Variants in PTPRT observed in about 807,000 individuals in gnomAD.
PTPRT encodes the protein protein tyrosine phosphatase receptor type T.
Under a neutral mutation model 176.8 loss-of-function variants are expected in PTPRT, and 56 were observed. The observed-to-expected ratio is 0.32, with a 90% CI of 0.26 to 0.40. The LOEUF (loss-of-function observed/expected upper bound fraction) is 0.40, where lower values mean the gene tolerates loss of function less well. PTPRT is among the 10% of genes least tolerant of loss of function. The pLI is 1.00. For missense variants in PTPRT, 1,540 were observed against 1,908.2 expected (o/e 0.81, Z 3.60); for synonymous variants, 783 against 739.0 (o/e 1.06, Z -0.96).
In PTPRT at chr20:42,079,456, G is replaced by C. The variant is rs1983101487; in HGVS notation, c.*1423C>G. 4.5e-6 allele frequency: 1 copy of C among 220,868 alleles called. No individual in the cohort carries two copies. Among genetic ancestry groups the C allele is most frequent in the Non-Finnish European group, 9.1e-6 (1 of 110,330 alleles). 13.7% of individuals were successfully genotyped at this position (220,868 alleles called of 1,614,324 possible). On this transcript the variant is annotated 3_prime_UTR_variant, in exon 31 of 31. Transcript: ENST00000373187. Reference sequence around the variant, plus strand: ...AAGGTGCGTGGGTTTCCTCATTGGAGGAGATGATCAAATGGAGATGATAAC... The same window carrying C: ...AAGGTGCGTGGGTTTCCTCATTGGACGAGATGATCAAATGGAGATGATAAC...
intron 17 of PTPRT, 31 bp from the exon 18 acceptor site, chr20:42,142,033 G>A: frequency 6.3e-7 from 1 of 1,582,278 alleles, no homozygotes; most frequent in Non-Finnish European, 8.7e-7. Flanking sequence ...GGTTAGAGTG[G>A]CCTGAGATAG....
intron 11 of PTPRT, among the ~76,000 whole-genome samples, chr20:42,336,651 G>T (rs906875450): frequency 6.6e-6 from 1 of 151,932 alleles, no homozygotes. Flanking sequence ...GCTATTTAAA[G>T]GTACAATACC....
chr20:42,498,543 T>G (rs369465292), intron 7 of PTPRT, among the ~76,000 whole-genome samples: 1 of 152,170 alleles, frequency 6.6e-6, no homozygotes. Context: ...GAAATGGGCC[T>G]GAAAAGCTAT....
chr20:42,677,418 C>T (rs780098961), intron 7 of PTPRT, among the ~76,000 whole-genome samples: 2 of 152,026 alleles, frequency 1.3e-5, no homozygotes, highest in Non-Finnish European at 2.9e-5. Context: ...AGCCAGGAGC[C>T]CTCAGAGAAA....
intron 9 of PTPRT, among the ~76,000 whole-genome samples, chr20:42,435,912 G>T (rs1250647345): frequency 6.6e-6 from 1 of 152,176 alleles, no homozygotes; most frequent in Non-Finnish European, 1.5e-5. Context: ...TGGTTACAGT[G>T]CATGGAGGCC....
intron 1 of PTPRT, among the ~76,000 whole-genome samples, chr20:42,939,427 G>A (rs368401843): frequency 6.0e-4 from 92 of 152,330 alleles, no homozygotes; most frequent in African/African-American, 2.0e-3. Context: ...TAGACTGAGA[G>A]GTGGAGCTTG....
At chr20:42,177,516 G>A (rs1457067138) in intron 16 of PTPRT, among the ~76,000 whole-genome samples, 1 of 152,188 alleles carries the variant, frequency 6.6e-6, no homozygotes, top group African/African-American at 2.4e-5. Context: ...CCCCATCAAG[G>A]TTCAGCCTGG....
chr20:42,973,082 G>A (rs1304612922), intron 1 of PTPRT, among the ~76,000 whole-genome samples: 3 of 151,882 alleles, frequency 2.0e-5, no homozygotes, highest in Non-Finnish European at 4.4e-5. Context: ...GATTAATCAG[G>A]AGGCTACCAC....
At chr20:42,216,738 C>T (rs1057081536) in intron 15 of PTPRT, among the ~76,000 whole-genome samples, 5 of 152,152 alleles carry the variant, frequency 3.3e-5, no homozygotes, top group Non-Finnish European at 7.4e-5. Context: ...CCCGTGTCTA[C>T]GACTTGACCC....
At chr20:42,637,841 G>A (rs2074641512) in intron 7 of PTPRT, among the ~76,000 whole-genome samples, 1 of 152,056 alleles carries the variant, frequency 6.6e-6, no homozygotes. Flanking sequence ...AAATATATTA[G>A]CCAGCCTCCA....
rs1445501821 is a variant in PTPRT, at chr20:42,964,344, T to A, written c.89-78412A>T. ...TAGGAAAATGTCAATAGAAAAAAAA[T>A]GCAGATGTACCAATATCCATATCAA... On this transcript the variant is annotated intron_variant, in intron 1 of 30. Transcript: ENST00000373187. Among the ~76,000 whole-genome samples, 3 of 151,902 alleles carry A rather than the reference T, an allele frequency of 2.0e-5. No individual in the cohort carries two copies. In the East Asian group the frequency reaches 5.8e-4, roughly 29 times the overall value.
chr20:42,118,405 T>C lies in PTPRT; in HGVS notation c.2980A>G (p.Arg994Gly). Residue 994 changes from arginine (R) to glycine (G), a missense_variant and splice_region_variant, in exon 21 of 31, where the codon AGG becomes GGG. Coordinates refer to ENST00000373187, the MANE Select transcript of PTPRT (RefSeq NM_007050.6). ...AGGCGAGTGCAGGAGAGGCTTACCC[T>C]GCCCACTTCCACCAGGTTTGTGACC... ...VMVTNLVEVG[R>G]VKCVRYWPDD... is the part of the protein sequence containing the mutation. The C allele has an allele frequency of 6.2e-7, 1 of 1,611,128 alleles. No individual in the cohort carries two copies. Among genetic ancestry groups the C allele is most frequent in the Non-Finnish European group, 8.5e-7 (1 of 1,178,402 alleles).
chr20:42,822,070 A>G (rs762178034), intron 2 of PTPRT, among the ~76,000 whole-genome samples: 1 of 152,150 alleles, frequency 6.6e-6, no homozygotes, highest in Non-Finnish European at 1.5e-5. Flanking sequence ...TTTAAATTTC[A>G]TATGGAATCA....
the PTPRT span, among the ~76,000 whole-genome samples, chr20:42,064,379 A>C: frequency 0.15 from 22,197 of 152,096 alleles, 1,997 homozygotes; most frequent in South Asian, 0.24. Flanking sequence ...CTGTCTACTG[A>C]ATCTCTTAGT....
chr20:42,742,306 C>T (rs536455451), intron 6 of PTPRT, among the ~76,000 whole-genome samples: 1 of 152,352 alleles, frequency 6.6e-6, no homozygotes, highest in Non-Finnish European at 1.5e-5. Context: ...TCTAAGCCAT[C>T]AAGGCGAGAA....
intron 15 of PTPRT, among the ~76,000 whole-genome samples, chr20:42,225,114 T>C (rs1384252290): frequency 2.6e-5 from 4 of 152,138 alleles, no homozygotes; most frequent in African/African-American, 7.2e-5. Context: ...AGGAGGAGGG[T>C]TGTCTTACCC....
chr20:43,085,198 C>T (rs535796669), intron 1 of PTPRT, among the ~76,000 whole-genome samples: 19 of 152,308 alleles, frequency 1.2e-4, no homozygotes, highest in Non-Finnish European at 2.4e-4. Context: ...GGATGCACAG[C>T]TGTCACCGCA....
At chr20:42,396,794 G>A (rs2058854924) in intron 9 of PTPRT, among the ~76,000 whole-genome samples, 1 of 152,122 alleles carries the variant, frequency 6.6e-6, no homozygotes, top group Admixed American at 6.6e-5. Context: ...TGACCTCATG[G>A]TTATCTGCCC....
intron 9 of PTPRT, among the ~76,000 whole-genome samples, chr20:42,443,599 G>A (rs557226592): frequency 6.6e-6 from 1 of 152,220 alleles, no homozygotes; most frequent in South Asian, 2.1e-4. Context: ...AGGATTCTGA[G>A]CTCCCCTTTC....
Sources: allele counts gnomAD v4.1 joint callset (sites outside exome capture counted in the v4.1 genomes callset), GRCh38; gene constraint gnomAD v4.1.1; transcripts MANE v1.5; gene names NCBI Gene and HGNC (gene_info 2026-07-23, HGNC 2026-07-21).